Variants in GRID1 observed in about 807,000 individuals in gnomAD.
GRID1 encodes glutamate receptor ionotropic, delta-1.
GRID1 carries 28 observed loss-of-function variants against 98.0 expected under a neutral mutation model. The ratio of observed to expected loss-of-function variants is 0.29; its 90% CI spans 0.21 to 0.39. The LOEUF (loss-of-function observed/expected upper bound fraction) is 0.39, where lower values mean the gene tolerates loss of function less well. GRID1 is among the 10% of genes least tolerant of loss of function. The pLI is 1.00. For synonymous variants in GRID1, 553 were observed against 538.5 expected (o/e 1.03, Z -0.37); for missense variants, 1,111 against 1,340.5 (o/e 0.83, Z 2.67).
chr10:85,694,546 GTGTGTATATATATATA>G (rs1214887907), intron 12 of GRID1, among the ~76,000 whole-genome samples: 27 of 78,168 alleles, frequency 3.5e-4, no homozygotes, highest in African/African-American at 1.3e-3. Flanking sequence ...AGAAAATGTG[GTGTGTATATATATATA>G]TATATATATA....
At chr10:86,022,204 G>A (rs533486779) in intron 4 of GRID1, among the ~76,000 whole-genome samples, 1 of 152,202 alleles carries the variant, frequency 6.6e-6, no homozygotes, top group East Asian at 1.9e-4. Flanking sequence ...TACTTGATCT[G>A]ATTTTATATT....
chr10:85,801,211 A>T (rs1004801481), intron 8 of GRID1, among the ~76,000 whole-genome samples: 3 of 151,994 alleles, frequency 2.0e-5, no homozygotes, highest in African/African-American at 7.2e-5. Flanking sequence ...AAAACATGAA[A>T]ATTCTGTTAG....
intron 5 of GRID1, among the ~76,000 whole-genome samples, chr10:85,892,656 GAT>G (rs1247553361): frequency 6.6e-6 from 1 of 151,588 alleles, no homozygotes; most frequent in Non-Finnish European, 1.5e-5. Flanking sequence ...AGGAAAAAAA[GAT>G]AATCTAAATA....
chr10:85,737,752 A>G (rs1365792520), intron 8 of GRID1, among the ~76,000 whole-genome samples: 2 of 147,266 alleles, frequency 1.4e-5, no homozygotes, highest in Admixed American at 6.9e-5. Flanking sequence ...TCATATATAT[A>G]CAACCATATA....
At position 86,340,597 on chromosome 10, in the gene GRID1, C is replaced by T. The variant is rs75935203; in HGVS notation, c.235+23344G>A. ...AATACTCCAGGGGCACAGGGGCCTC[C>T]GGGGGAGTAAGGCAGGGGAGGGGAG... On this transcript the variant is annotated intron_variant, in intron 2 of 15. Transcript: ENST00000327946. 7.0e-4 allele frequency among the ~76,000 whole-genome samples: 107 copies of T among 152,194 alleles called. No individual in the cohort carries two copies. In the East Asian group the frequency reaches 0.017, roughly 24 times the overall value.
chr10:86,050,100 A>G (rs1418037183), intron 4 of GRID1, among the ~76,000 whole-genome samples: 1 of 152,238 alleles, frequency 6.6e-6, no homozygotes, highest in African/African-American at 2.4e-5. Context: ...GCGTGATTCC[A>G]CAGATGGCTC....
chr10:85,837,168 C>A (rs1001199286), intron 8 of GRID1, among the ~76,000 whole-genome samples: 2 of 152,076 alleles, frequency 1.3e-5, no homozygotes, highest in Admixed American at 6.5e-5. Flanking sequence ...GTGTCCCATA[C>A]TTGTGCTAAT....
intron 12 of GRID1, among the ~76,000 whole-genome samples, chr10:85,720,743 C>T (rs1841691955): frequency 6.6e-6 from 1 of 151,242 alleles, no homozygotes; most frequent in Non-Finnish European, 1.5e-5. Context: ...TGATTGTGGA[C>T]TGAATTGTAA....
intron 2 of GRID1, among the ~76,000 whole-genome samples, chr10:86,250,558 T>TG (rs1247214145): frequency 2.0e-5 from 3 of 152,134 alleles, no homozygotes; most frequent in Non-Finnish European, 4.4e-5. Flanking sequence ...GCATGTGTAC[T>TG]GGGGGGCAGC....
intron 8 of GRID1, among the ~76,000 whole-genome samples, chr10:85,775,928 C>T (rs947570856): frequency 4.6e-5 from 7 of 151,788 alleles, no homozygotes; most frequent in African/African-American, 1.7e-4. Flanking sequence ...TTTTGCACCA[C>T]ATGAATATAT....
intron 2 of GRID1, among the ~76,000 whole-genome samples, chr10:86,277,505 A>T (rs1324557271): frequency 6.6e-6 from 1 of 152,236 alleles, no homozygotes; most frequent in Non-Finnish European, 1.5e-5. Flanking sequence ...TTTTAATTAT[A>T]AATCTATTTT....
At chr10:86,347,362 G>T (rs1848399709) in intron 2 of GRID1, among the ~76,000 whole-genome samples, 1 of 152,102 alleles carries the variant, frequency 6.6e-6, no homozygotes, top group South Asian at 2.1e-4. Context: ...CATCTACCGT[G>T]CCTCTTTCAC....
At chr10:86,296,986 T>G (rs879783425) in intron 2 of GRID1, among the ~76,000 whole-genome samples, 17 of 152,296 alleles carry the variant, frequency 1.1e-4, no homozygotes, top group Non-Finnish European at 2.2e-4. Flanking sequence ...CTACCAAACT[T>G]TATTTAGAGC....
chr10:85,867,039 T>C (rs1843227844), intron 6 of GRID1, among the ~76,000 whole-genome samples: 1 of 152,150 alleles, frequency 6.6e-6, no homozygotes, highest in South Asian at 2.1e-4. Flanking sequence ...TGGGCACGTG[T>C]CATTTAAGTA....
At position 86,012,019 on chromosome 10, in the gene GRID1, G is replaced by A. The variant is rs147890725; in HGVS notation, c.727-95780C>T. 6.4e-3 allele frequency among the ~76,000 whole-genome samples: 977 copies of A among 152,180 alleles called. 13 individuals carry two copies. The highest frequency in any genetic ancestry group is 0.022 in the African/African-American group (933 of 41,532). ...CTAAAAATACAAAAATTAGCCAGGC[G>A]TGGTGGTGGGCACCTGTAATCCCAG... is the stretch of plus-strand genomic sequence containing the variant. On this transcript the variant is annotated intron_variant, in intron 4 of 15. Coordinates refer to ENST00000327946, the MANE Select transcript of GRID1 (RefSeq NM_017551.3).
At chr10:85,677,410 T>C (rs1841157023) in intron 12 of GRID1, among the ~76,000 whole-genome samples, 1 of 152,190 alleles carries the variant, frequency 6.6e-6, no homozygotes, top group South Asian at 2.1e-4. Context: ...ACTTAGTTCC[T>C]GGATGCATCA....
intron 12 of GRID1, among the ~76,000 whole-genome samples, chr10:85,685,546 C>T (rs542462710): frequency 1.5e-4 from 23 of 152,118 alleles, no homozygotes; most frequent in African/African-American, 5.3e-4. Context: ...AAACTTAAAA[C>T]ACTGATCCAA....
At chr10:86,004,089 T>G (rs181126998) in intron 4 of GRID1, among the ~76,000 whole-genome samples, 2,067 of 151,088 alleles carry the variant, frequency 0.014, 26 homozygotes, top group Middle Eastern at 0.038. Context: ...CTATTTACCC[T>G]CATTTCCCAA....
At chr10:86,273,995 T>C (rs1274411741) in intron 2 of GRID1, among the ~76,000 whole-genome samples, 1 of 152,202 alleles carries the variant, frequency 6.6e-6, no homozygotes, top group African/African-American at 2.4e-5. Flanking sequence ...CCCATGCCTA[T>C]GTCCTGAATG....
Sources: allele counts gnomAD v4.1 joint callset (sites outside exome capture counted in the v4.1 genomes callset), GRCh38; gene constraint gnomAD v4.1.1; transcripts MANE v1.5; gene names NCBI Gene and HGNC (gene_info 2026-07-23, HGNC 2026-07-21).